STK32B: variants seen among roughly 807,000 people sequenced by gnomAD.
STK32B encodes the protein serine/threonine kinase 32B.
A neutral mutation model predicts 52.6 loss-of-function variants in STK32B; 43 were observed. The observed-to-expected ratio is 0.82, with a 90% CI of 0.64 to 1.05. STK32B has a LOEUF of 1.05. Among genes scored for constraint, STK32B ranks in the 50% least tolerant of loss-of-function variants. The pLI is 0.00. For missense variants in STK32B, 621 were observed against 534.6 expected (o/e 1.16, Z -1.59); for synonymous variants, 238 against 204.3 (o/e 1.17, Z -1.41).
At chr4:5,175,243 T>C (rs576589885) in intron 3 of STK32B, among the ~76,000 whole-genome samples, 11 of 152,182 alleles carry the variant, frequency 7.2e-5, no homozygotes, top group Non-Finnish European at 1.3e-4. Flanking sequence ...TTGCCGTTGC[T>C]TCAAACTTCC....
At chr4:5,236,544 C>T (rs1281375665) in intron 3 of STK32B, among the ~76,000 whole-genome samples, 1 of 152,144 alleles carries the variant, frequency 6.6e-6, no homozygotes, top group African/African-American at 2.4e-5. Context: ...TTAGCTTTGC[C>T]TGCCTTTGTA....
intron 3 of STK32B, among the ~76,000 whole-genome samples, chr4:5,317,214 CATAT>C (rs1158982113): frequency 7.4e-5 from 3 of 40,652 alleles, no homozygotes; most frequent in Non-Finnish European, 1.1e-4. Context: ...ATATATATAA[CATAT>C]ATATATTATA....
chr4:5,264,717 G>A (rs867446586), intron 3 of STK32B, among the ~76,000 whole-genome samples: 2 of 152,112 alleles, frequency 1.3e-5, no homozygotes, highest in Non-Finnish European at 1.5e-5. Context: ...AACCCAGGAG[G>A]CGGAGCTTGC....
At chr4:5,316,139 A>C (rs539257881) in intron 3 of STK32B, among the ~76,000 whole-genome samples, 7 of 98,836 alleles carry the variant, frequency 7.1e-5, no homozygotes, top group African/African-American at 3.3e-4. Flanking sequence ...CAAGTTATAT[A>C]TATATATAAC....
intron 3 of STK32B, among the ~76,000 whole-genome samples, chr4:5,225,712 C>G (rs1166315484): frequency 6.6e-6 from 1 of 152,164 alleles, no homozygotes; most frequent in East Asian, 1.9e-4. Flanking sequence ...ACAAGAGAAG[C>G]TTTATATCCT....
At chr4:5,132,814 G>C (rs74386554) in intron 1 of STK32B, among the ~76,000 whole-genome samples, 1 of 150,166 alleles carries the variant, frequency 6.7e-6, no homozygotes, top group South Asian at 2.1e-4. Flanking sequence ...TTTTTTTTGG[G>C]ACAGAGTCTT....
In STK32B at chr4:5,274,617, G is replaced by C. The variant is rs562349315; in HGVS notation, c.261-56603G>C. Among the ~76,000 whole-genome samples, 65 of 152,298 alleles carry C rather than the reference G, an allele frequency of 4.3e-4. No individual in the cohort carries two copies. In the South Asian group the frequency reaches 0.013, roughly 30 times the overall value. On this transcript the variant is annotated intron_variant, in intron 3 of 11. Coordinates refer to ENST00000282908, the MANE Select transcript of STK32B (RefSeq NM_018401.3). ...ATAGCCAATCATCTATTGTCTGAGA[G>C]CACAGCGGGAGGGACAAGGATCAGC...
chr4:5,257,244 T>C (rs1726379735), intron 3 of STK32B, among the ~76,000 whole-genome samples: 1 of 121,366 alleles, frequency 8.2e-6, no homozygotes, highest in South Asian at 2.5e-4. Flanking sequence ...AATGAGTGAA[T>C]GATTGAGTGA....
At chr4:5,440,071 T>C (rs1714565559) in intron 6 of STK32B, among the ~76,000 whole-genome samples, 1 of 151,980 alleles carries the variant, frequency 6.6e-6, no homozygotes, top group Admixed American at 6.5e-5. Context: ...GGCTTAGGAT[T>C]GACTTGGCGA....
intron 3 of STK32B, among the ~76,000 whole-genome samples, chr4:5,192,520 C>G (rs1398372198): frequency 6.6e-6 from 1 of 152,152 alleles, no homozygotes; most frequent in Non-Finnish European, 1.5e-5. Context: ...TGACTCACAG[C>G]ATCAGTTTAA....
intron 2 of STK32B, among the ~76,000 whole-genome samples, chr4:5,142,274 A>C (rs1374863533): frequency 1.3e-5 from 2 of 152,148 alleles, no homozygotes; most frequent in African/African-American, 4.8e-5. Context: ...TCCTGGGAAA[A>C]ATCTCTTCTT....
At position 5,400,255 on chromosome 4, in the gene STK32B, A is replaced by G. The variant is rs145024125; in HGVS notation, c.472+2011A>G. 2.4e-3 allele frequency among the ~76,000 whole-genome samples: 368 copies of G among 152,262 alleles called. 2 individuals are homozygous for G. Among genetic ancestry groups the G allele is most frequent in the Middle Eastern group, 0.014 (4 of 294 alleles). On this transcript the variant is annotated intron_variant, in intron 5 of 11. Transcript: ENST00000282908. This position sits in a 1 kb window ranked among gnomAD's most constrained non-coding sequence, Gnocchi z 6.1. ...GGGCTGCTCCCAGGCAGCCTCCCCT[A>G]GGTTTTCTCTTTCCTGCCTTTTGGA...
intron 9 of STK32B, among the ~76,000 whole-genome samples, chr4:5,463,178 C>A (rs1304605261): frequency 6.6e-6 from 1 of 152,262 alleles, no homozygotes; most frequent in African/African-American, 2.4e-5. Context: ...AATATGCCCG[C>A]CTTCTTCACA....
At chr4:5,356,848 A>G (rs1035157660) in intron 4 of STK32B, among the ~76,000 whole-genome samples, 2 of 152,116 alleles carry the variant, frequency 1.3e-5, no homozygotes, top group Admixed American at 1.3e-4. Context: ...AATACAAAAA[A>G]TTAGCCAGAC....
chr4:5,175,549 G>T (rs1455640098), intron 3 of STK32B, among the ~76,000 whole-genome samples: 1 of 152,184 alleles, frequency 6.6e-6, no homozygotes, highest in African/African-American at 2.4e-5. Context: ...AGGTCTGTTG[G>T]AGTTTAATGG....
intron 5 of STK32B, among the ~76,000 whole-genome samples, chr4:5,407,758 A>G (rs1308209606): frequency 2.0e-5 from 3 of 152,028 alleles, no homozygotes; most frequent in South Asian, 2.1e-4. Flanking sequence ...CCATAATCCA[A>G]TCACCTCCCA....
intron 11 of STK32B, among the ~76,000 whole-genome samples, chr4:5,471,337 G>C (rs188195394): frequency 6.6e-6 from 1 of 152,150 alleles, no homozygotes; most frequent in Non-Finnish European, 1.5e-5. Context: ...AACATGACTG[G>C]TGTCTGTCCT....
chr4:5,027,656 T>C, the STK32B span, among the ~76,000 whole-genome samples: 1 of 152,140 alleles, frequency 6.6e-6, no homozygotes, highest in South Asian at 2.1e-4. Context: ...TCTTTCTGGT[T>C]ATCAACCCTG....
At chr4:5,355,589 T>G (rs563630075) in intron 4 of STK32B, among the ~76,000 whole-genome samples, 3 of 152,258 alleles carry the variant, frequency 2.0e-5, no homozygotes, top group Admixed American at 2.0e-4. Flanking sequence ...AGATAATCCC[T>G]TGTTATGGGG....
Sources: gnomAD v4.1 joint callset for allele counts (sites outside exome capture counted in the v4.1 genomes callset) on GRCh38, gnomAD v4.1.1 for gene constraint, Gnocchi (gnomAD v3.1) non-coding constraint, MANE v1.5 for transcripts, NCBI Gene and HGNC (gene_info 2026-07-23, HGNC 2026-07-21) for gene names.